The following RGS7 variants were observed in gnomAD, a reference collection of about 807,000 sequenced individuals.
RGS7 encodes the protein regulator of G protein signaling 7.
In RGS7, 27 loss-of-function variants were observed where a neutral mutation model predicts 81.1. The observed-to-expected ratio is 0.33, with a 90% CI of 0.25 to 0.46. The LOEUF is 0.46. RGS7 is among the 20% of genes least tolerant of loss of function. RGS7 has a pLI of 1.00. For synonymous variants in RGS7, 208 were observed against 207.7 expected, an observed-to-expected ratio of 1.00 and a Z score of -0.01; for missense variants, 396 against 607.4, an observed-to-expected ratio of 0.65 and a Z score of 3.66.
chr1:241,018,184 C>G (rs2148683924), intron 3 of RGS7, among the ~76,000 whole-genome samples: 1 of 116,698 alleles, frequency 8.6e-6, no homozygotes, highest in South Asian at 2.8e-4. Context: ...GGTGTTTTAT[C>G]ACGTGGCCAG....
At chr1:241,272,925 A>G (rs749333368) in intron 2 of RGS7, among the ~76,000 whole-genome samples, 2 of 151,752 alleles carry the variant, frequency 1.3e-5, no homozygotes, top group Non-Finnish European at 2.9e-5. Context: ...TATCTCTCTA[A>G]GATTTCCTTT....
intron 2 of RGS7, among the ~76,000 whole-genome samples, chr1:241,194,871 A>G (rs2147810145): frequency 6.6e-6 from 1 of 152,296 alleles, no homozygotes; most frequent in Admixed American, 6.5e-5. Context: ...GGACAACACA[A>G]ATTTGAGTTT....
intron 10 of RGS7, among the ~76,000 whole-genome samples, chr1:240,822,329 T>TAA (rs906225295): frequency 3.9e-5 from 6 of 152,086 alleles, no homozygotes; most frequent in Non-Finnish European, 8.8e-5. Context: ...TTTACTGTAT[T>TAA]AAAAAACAAC....
At chr1:241,069,896 C>A (rs2062327650) in intron 3 of RGS7, among the ~76,000 whole-genome samples, 1 of 152,084 alleles carries the variant, frequency 6.6e-6, no homozygotes, top group Non-Finnish European at 1.5e-5. Context: ...TACTGGGTAC[C>A]TTATTTGATC....
At chr1:240,911,685 A>T (rs964840085) in intron 6 of RGS7, among the ~76,000 whole-genome samples, 6 of 152,210 alleles carry the variant, frequency 3.9e-5, no homozygotes, top group African/African-American at 1.4e-4. Context: ...ACTCATGCCC[A>T]GTGGACCATG....
chr1:240,976,840 A>G (rs1393357847), intron 4 of RGS7, among the ~76,000 whole-genome samples: 2 of 127,350 alleles, frequency 1.6e-5, no homozygotes, highest in Non-Finnish European at 3.4e-5. Context: ...CCTATCATTT[A>G]TCTATCATCT....
At chr1:240,881,041 A>G (rs769134981) in intron 6 of RGS7, among the ~76,000 whole-genome samples, 1 of 152,222 alleles carries the variant, frequency 6.6e-6, no homozygotes, top group Non-Finnish European at 1.5e-5. Flanking sequence ...CTGAATACAC[A>G]TATATTTAGA....
intron 2 of RGS7, among the ~76,000 whole-genome samples, chr1:241,126,148 A>AT (rs769195465): frequency 1.0e-4 from 15 of 146,508 alleles, no homozygotes; most frequent in African/African-American, 2.0e-4. Flanking sequence ...TTATTTATTT[A>AT]TTATTATTAT....
intron 9 of RGS7, among the ~76,000 whole-genome samples, chr1:240,859,287 A>G (rs1026856878): frequency 1.3e-5 from 2 of 152,154 alleles, no homozygotes; most frequent in Non-Finnish European, 2.9e-5. Context: ...GGCATGAGCC[A>G]TCACTCCTGG....
At chr1:241,264,112 T>G (rs115576654) in intron 2 of RGS7, among the ~76,000 whole-genome samples, 2,743 of 152,384 alleles carry the variant, frequency 0.018, 84 homozygotes, top group African/African-American at 0.061. Flanking sequence ...CACTATTCAC[T>G]GAGCAATTAA....
chr1:241,283,715 C>A (rs2078646569), intron 2 of RGS7, among the ~76,000 whole-genome samples: 1 of 152,092 alleles, frequency 6.6e-6, no homozygotes, highest in African/African-American at 2.4e-5. Context: ...GTTTTTCTAT[C>A]CAACCTCTTT....
intron 2 of RGS7, among the ~76,000 whole-genome samples, chr1:241,260,670 T>C (rs10926445): frequency 0.42 from 64,213 of 151,910 alleles, 14,084 homozygotes; most frequent in Admixed American, 0.52. Flanking sequence ...ACTTTACAAG[T>C]ACACATGCTT....
At chr1:241,060,606 G>T (rs1213234337) in intron 3 of RGS7, among the ~76,000 whole-genome samples, 1 of 152,184 alleles carries the variant, frequency 6.6e-6, no homozygotes, top group Non-Finnish European at 1.5e-5. Context: ...TTCTACCAGG[G>T]TTTAGTTAAC....
At position 240,868,931 on chromosome 1, in the gene RGS7, G is replaced by C. The variant is rs1392007078; in HGVS notation, c.451-79C>G. On this transcript the variant is annotated intron_variant, in intron 7 of 18. Transcript: ENST00000440928. This position sits in a 1 kb window ranked among gnomAD's most constrained non-coding sequence, Gnocchi z 5.1. Reference sequence around the variant, plus strand: ...TCTAGCTTAGTTACCACTTGTATTTGTCAAGGAAACAAATAGAGAGTTTCT... The same window carrying C: ...TCTAGCTTAGTTACCACTTGTATTTCTCAAGGAAACAAATAGAGAGTTTCT... 17 of 1,300,638 alleles carry C rather than the reference G, an allele frequency of 1.3e-5. No homozygotes were observed. The highest frequency in any genetic ancestry group is 6.9e-5 in the East Asian group (3 of 43,420). The allele number at this position is 1,300,638 out of a possible 1,614,324, so 80.6% of individuals were successfully genotyped here. A position where few individuals can be genotyped will look rare whatever the true frequency, so the allele number is the denominator to read the frequency against.
At chr1:241,133,158 A>T (rs1345890376) in intron 2 of RGS7, among the ~76,000 whole-genome samples, 1 of 152,214 alleles carries the variant, frequency 6.6e-6, no homozygotes, top group Non-Finnish European at 1.5e-5. Flanking sequence ...ATTACAATAC[A>T]AGTGAAATGC....
chr1:240,812,941 T>C (rs1418480), intron 13 of RGS7, among the ~76,000 whole-genome samples: 37,172 of 152,140 alleles, frequency 0.24, 5,619 homozygotes, highest in Non-Finnish European at 0.32. Flanking sequence ...GTTCTGGGCA[T>C]GTCCAGTGTT....
intron 9 of RGS7, among the ~76,000 whole-genome samples, chr1:240,858,641 G>A (rs1661589856): frequency 6.6e-6 from 1 of 152,028 alleles, no homozygotes. Flanking sequence ...CAGTTGTTTT[G>A]CTAATATTGT....
At chr1:241,095,937 T>C (rs999468491) in intron 3 of RGS7, among the ~76,000 whole-genome samples, 2 of 152,220 alleles carry the variant, frequency 1.3e-5, no homozygotes, top group Non-Finnish European at 2.9e-5. Flanking sequence ...CTGATACTAA[T>C]GGTCCATGGA....
At chr1:241,017,957 GTCTC>G (rs71568981) in intron 3 of RGS7, among the ~76,000 whole-genome samples, 22,786 of 151,338 alleles carry the variant, frequency 0.15, 2,436 homozygotes, top group African/African-American at 0.3. Context: ...TGACTGCTTT[GTCTC>G]TCTATTTCTT....
Sources: gnomAD v4.1 joint callset for allele counts (sites outside exome capture counted in the v4.1 genomes callset) on GRCh38, gnomAD v4.1.1 for gene constraint, Gnocchi (gnomAD v3.1) non-coding constraint, MANE v1.5 for transcripts, NCBI Gene and HGNC (gene_info 2026-07-23, HGNC 2026-07-21) for gene names.